Variants in FRMD4A observed in about 807,000 individuals in gnomAD.
The protein encoded by FRMD4A is FERM domain-containing protein 4A.
In FRMD4A, 29 loss-of-function variants were observed where a neutral mutation model predicts 129.1. That is an observed-to-expected ratio of 0.22 (90% confidence interval 0.17 to 0.31). The LOEUF is 0.31. Among genes scored for constraint, FRMD4A ranks in the 10% least tolerant of loss-of-function variants. The pLI is 1.00. For synonymous variants in FRMD4A, 634 were observed against 571.6 expected, an observed-to-expected ratio of 1.11 and a Z score of -1.56; for missense variants, 1,272 against 1,375.8, an observed-to-expected ratio of 0.92 and a Z score of 1.19.
At chr10:14,085,708 G>C (rs767666304) in intron 2 of FRMD4A, among the ~76,000 whole-genome samples, 12 of 152,210 alleles carry the variant, frequency 7.9e-5, no homozygotes, top group Non-Finnish European at 1.5e-4. Flanking sequence ...TGCGCTCGCT[G>C]TCCTGTGGAA....
chr10:13,652,234 T>C, intron 23 of FRMD4A: 1 of 522,908 alleles, frequency 1.9e-6, no homozygotes, highest in Non-Finnish European at 3.4e-6. Context: ...AAACAGTTTA[T>C]GCCAAGAACC....
intron 3 of FRMD4A, among the ~76,000 whole-genome samples, chr10:13,816,403 A>G (rs1375864820): frequency 6.6e-6 from 1 of 152,224 alleles, no homozygotes; most frequent in Non-Finnish European, 1.5e-5. Flanking sequence ...AGTGAGAGTG[A>G]GAAATACACA....
At chr10:14,313,073 C>T (rs1846611901) in intron 2 of FRMD4A, among the ~76,000 whole-genome samples, 1 of 151,830 alleles carries the variant, frequency 6.6e-6, no homozygotes, top group Non-Finnish European at 1.5e-5. Flanking sequence ...AAAACTAAGT[C>T]CAGGAGTGGT....
chr10:13,918,566 T>C (rs932849377), intron 2 of FRMD4A, among the ~76,000 whole-genome samples: 3 of 152,196 alleles, frequency 2.0e-5, no homozygotes, highest in Non-Finnish European at 4.4e-5. Flanking sequence ...TCTCACTCTG[T>C]CGCCCAGGCT....
At chr10:13,898,388 T>C (rs1169194238) in intron 2 of FRMD4A, among the ~76,000 whole-genome samples, 1 of 151,904 alleles carries the variant, frequency 6.6e-6, no homozygotes, top group Non-Finnish European at 1.5e-5. Flanking sequence ...AAATAAAAAA[T>C]TGATAACGAG....
chr10:13,919,904 C>T (rs11258720), intron 2 of FRMD4A, among the ~76,000 whole-genome samples: 1 of 152,178 alleles, frequency 6.6e-6, no homozygotes, highest in Admixed American at 6.5e-5. Flanking sequence ...CACCACTGCA[C>T]TCCAGCCTGG....
intron 2 of FRMD4A, among the ~76,000 whole-genome samples, chr10:13,932,722 T>C (rs951166921): frequency 1.3e-5 from 2 of 152,210 alleles, no homozygotes; most frequent in Non-Finnish European, 2.9e-5. Context: ...TGTCTTAATA[T>C]ACAGGTGTGT....
chr10:13,701,272 C>A, intron 14 of FRMD4A, 68 bp downstream of exon 14: 2 of 1,482,658 alleles, frequency 1.3e-6, no homozygotes, highest in Non-Finnish European at 1.9e-6. Flanking sequence ...CCCACCCATC[C>A]GATCCTCATT....
intron 2 of FRMD4A, among the ~76,000 whole-genome samples, chr10:14,040,168 C>T (rs1331552214): frequency 6.6e-6 from 1 of 151,916 alleles, no homozygotes; most frequent in Non-Finnish European, 1.5e-5. Flanking sequence ...AATGACAGAG[C>T]CTGAATAGGA....
intron 2 of FRMD4A, among the ~76,000 whole-genome samples, chr10:14,172,292 G>A (rs1450886621): frequency 6.6e-6 from 1 of 152,162 alleles, no homozygotes; most frequent in East Asian, 1.9e-4. Context: ...TTTAAACTTT[G>A]GTAGGACCCG....
chr10:13,799,458 C>A (rs1388593555), intron 4 of FRMD4A, among the ~76,000 whole-genome samples: 1 of 152,184 alleles, frequency 6.6e-6, no homozygotes, highest in Non-Finnish European at 1.5e-5. Context: ...GTGCCCAGCA[C>A]CAGTTGACTT....
Position 14,023,165 on chromosome 10 carries a change from C to T in FRMD4A, c.46-164253G>A, listed in dbSNP as rs565702840. Among the ~76,000 whole-genome samples, 12 of 152,234 alleles carry T rather than the reference C, an allele frequency of 7.9e-5. No individual in the cohort carries two copies. The East Asian group carries it at 2.1e-3, about 27-fold the overall frequency. On this transcript the variant is annotated intron_variant, in intron 2 of 24. Coordinates refer to ENST00000357447, the MANE Select transcript of FRMD4A (RefSeq NM_018027.5). ...TCCCATCCCTGGAAACCCAGAAGGACGCTCTCCCTTCTGGACGCATTCCTC... is the reference window on the plus strand; with the variant it reads ...TCCCATCCCTGGAAACCCAGAAGGATGCTCTCCCTTCTGGACGCATTCCTC...
At chr10:14,086,084 C>T (rs780945507) in intron 2 of FRMD4A, among the ~76,000 whole-genome samples, 12 of 152,078 alleles carry the variant, frequency 7.9e-5, no homozygotes, top group Admixed American at 2.0e-4. Flanking sequence ...AGTTAATGTA[C>T]ACATGTAACA....
At chr10:13,938,976 C>G (rs957225281) in intron 2 of FRMD4A, among the ~76,000 whole-genome samples, 1 of 152,178 alleles carries the variant, frequency 6.6e-6, no homozygotes, top group South Asian at 2.1e-4. Flanking sequence ...TTGATAGAGG[C>G]CAGGGATGCT....
chr10:13,914,699 G>A (rs972965718), intron 2 of FRMD4A, among the ~76,000 whole-genome samples: 1 of 152,028 alleles, frequency 6.6e-6, no homozygotes, highest in Admixed American at 6.5e-5. Flanking sequence ...GAGAAAAGCA[G>A]CATTAAAAAA....
At chr10:13,730,337 A>G (rs1333384575) in intron 12 of FRMD4A, among the ~76,000 whole-genome samples, 3 of 152,176 alleles carry the variant, frequency 2.0e-5, no homozygotes, top group Non-Finnish European at 4.4e-5. Flanking sequence ...ATAGCATTTA[A>G]TTTTCATTCA....
intron 2 of FRMD4A, among the ~76,000 whole-genome samples, chr10:13,933,472 T>C (rs925977389): frequency 1.3e-5 from 2 of 152,202 alleles, no homozygotes; most frequent in African/African-American, 4.8e-5. Context: ...TGCTTGTTTA[T>C]GCGTTTTGTC....
intron 2 of FRMD4A, among the ~76,000 whole-genome samples, chr10:14,269,359 G>A (rs548459221): frequency 7.2e-5 from 11 of 152,242 alleles, no homozygotes; most frequent in Admixed American, 1.3e-4. Context: ...CAACCCGACC[G>A]TATTATGTTA....
intron 2 of FRMD4A, among the ~76,000 whole-genome samples, chr10:13,945,116 A>T (rs1272388680): frequency 1.3e-5 from 2 of 152,250 alleles, no homozygotes; most frequent in Non-Finnish European, 2.9e-5. Flanking sequence ...GAAGGCACTA[A>T]GCCAGCCGGA....
Sources: allele counts gnomAD v4.1 joint callset (sites outside exome capture counted in the v4.1 genomes callset), GRCh38; gene constraint gnomAD v4.1.1; transcripts MANE v1.5; gene names NCBI Gene and HGNC (gene_info 2026-07-23, HGNC 2026-07-21).